Variants in DOCK3 observed in about 807,000 individuals in gnomAD.
DOCK3 encodes dedicator of cytokinesis 3, also known as dedicator of cytokinesis protein 3.
In DOCK3, 60 loss-of-function variants were observed where a neutral mutation model predicts 265.6. That is an observed-to-expected ratio of 0.23 (90% CI 0.18 to 0.28). DOCK3 has a LOEUF of 0.28. Among genes scored for constraint, DOCK3 ranks in the 10% least tolerant of loss-of-function variants. The pLI is 1.00. For synonymous variants in DOCK3, 881 were observed against 938.0 expected (o/e 0.94, Z 1.11); for missense variants, 1,981 against 2,594.3 (o/e 0.76, Z 5.14).
chr3:50,973,219 C>T (rs1238932198), intron 5 of DOCK3, among the ~76,000 whole-genome samples: 1 of 148,674 alleles, frequency 6.7e-6, no homozygotes, highest in Admixed American at 6.7e-5. Context: ...ACATGTGCCA[C>T]GCTGGTGCGC....
chr3:51,055,833 A>C (rs2081181031), intron 5 of DOCK3, among the ~76,000 whole-genome samples: 1 of 152,202 alleles, frequency 6.6e-6, no homozygotes, highest in Admixed American at 6.5e-5. Flanking sequence ...AGATTTTTAC[A>C]AATCTTAGCT....
intron 2 of DOCK3, among the ~76,000 whole-genome samples, chr3:50,818,128 A>C (rs905902601): frequency 6.6e-6 from 1 of 152,152 alleles, no homozygotes; most frequent in Non-Finnish European, 1.5e-5. Flanking sequence ...ATTCTCTAGG[A>C]GTAATTATTC....
chr3:50,716,390 T>C (rs1449622070), intron 1 of DOCK3, among the ~76,000 whole-genome samples: 3 of 151,978 alleles, frequency 2.0e-5, no homozygotes, highest in African/African-American at 7.2e-5. Flanking sequence ...CAGCTGGGTG[T>C]GGTGGCAGGC....
intron 5 of DOCK3, among the ~76,000 whole-genome samples, chr3:50,961,001 A>G (rs1436893005): frequency 6.6e-6 from 1 of 152,168 alleles, no homozygotes; most frequent in Non-Finnish European, 1.5e-5. Context: ...TATAAGGGAA[A>G]ATTTATGGAC....
chr3:50,940,058 C>CACACACATACACACACAA (rs55862179), intron 5 of DOCK3, among the ~76,000 whole-genome samples: 124,747 of 151,140 alleles, frequency 0.83, 51,841 homozygotes, highest in East Asian at 0.95. Flanking sequence ...TACCCACAGA[C>CACACACATACACACACAA]ACACACATAC....
chr3:51,121,743 T>C (rs552940459), intron 9 of DOCK3, among the ~76,000 whole-genome samples: 116 of 152,282 alleles, frequency 7.6e-4, no homozygotes, highest in African/African-American at 2.7e-3. Flanking sequence ...TGAACACTCC[T>C]CTAGAGCATG....
rs931169972 is a variant in DOCK3, at chr3:51,149,789, G to T, written c.828+3159G>T. Among the ~76,000 whole-genome samples, 6 of 152,110 alleles carry T rather than the reference G, an allele frequency of 3.9e-5. No homozygotes were observed. In the South Asian group the frequency reaches 6.2e-4, roughly 16 times the overall value. On this transcript the variant is annotated intron_variant, in intron 10 of 52. Coordinates refer to ENST00000266037, the MANE Select transcript of DOCK3 (RefSeq NM_004947.5). The stretch of plus-strand genomic sequence containing the variant: ...GCATCGACGTTCATCAGGGATATTG[G>T]TCTAAAAATCTTTTTTGTTGTTGTG...
intron 5 of DOCK3, among the ~76,000 whole-genome samples, chr3:51,020,741 C>G (rs1413225141): frequency 2.0e-5 from 3 of 151,850 alleles, no homozygotes. Flanking sequence ...TTTCCTGTTA[C>G]TTGTTTTTGT....
At chr3:51,339,506 A>G (rs1319031554) in intron 37 of DOCK3, among the ~76,000 whole-genome samples, 1 of 152,230 alleles carries the variant, frequency 6.6e-6, no homozygotes, top group East Asian at 1.9e-4. Context: ...CTGCAACTGC[A>G]TAGCAGCCTC....
At chr3:50,679,179 G>A (rs904584803) in intron 1 of DOCK3, among the ~76,000 whole-genome samples, 11 of 151,994 alleles carry the variant, frequency 7.2e-5, no homozygotes, top group Non-Finnish European at 4.4e-5. Context: ...TTGCTATGTT[G>A]CCCAGGCTTG....
intron 4 of DOCK3, among the ~76,000 whole-genome samples, chr3:50,908,259 T>C (rs911624417): frequency 6.6e-6 from 1 of 151,632 alleles, no homozygotes; most frequent in Non-Finnish European, 1.5e-5. Flanking sequence ...TTTCTTGCTT[T>C]CTACTAGCTT....
intron 1 of DOCK3, chr3:50,685,644 G>A (rs2034743080): frequency 5.5e-6 from 1 of 183,438 alleles, no homozygotes; most frequent in Non-Finnish European, 1.2e-5. Context: ...TCACCACTCT[G>A]ACACAAAAAC....
chr3:51,124,294 C>A (rs1406841480), intron 9 of DOCK3, among the ~76,000 whole-genome samples: 2 of 152,190 alleles, frequency 1.3e-5, no homozygotes, highest in Non-Finnish European at 2.9e-5. Flanking sequence ...CCCTGCAGGG[C>A]TAGGCTGTCC....
Position 51,381,766 on chromosome 3 carries a change from C to G in DOCK3, c.*207C>G, listed in dbSNP as rs1200764091. 1.8e-6 allele frequency: 1 copy of G among 547,574 alleles called. No individual in the cohort carries two copies. Among genetic ancestry groups the G allele is most frequent in the Non-Finnish European group, 2.9e-6 (1 of 342,914 alleles). The allele number at this position is 547,574 out of a possible 1,614,324, so 33.9% of individuals were successfully genotyped here. On this transcript the variant is annotated 3_prime_UTR_variant, in exon 53 of 53. Transcript: ENST00000266037. This position sits in a 1 kb window ranked among gnomAD's most constrained non-coding sequence, Gnocchi z 5.6. ...AGCAGCATGAAGGGTTGTGGCTTCC[C>G]TTTTTATTTTTTTACATTTCCATTT...
intron 23 of DOCK3, among the ~76,000 whole-genome samples, chr3:51,270,345 G>A (rs2080431459): frequency 6.6e-6 from 1 of 152,208 alleles, no homozygotes; most frequent in South Asian, 2.1e-4. Flanking sequence ...CTCAGAACTG[G>A]ATCACTGGCT....
At chr3:51,114,853 C>A (rs2083665907) in intron 9 of DOCK3, among the ~76,000 whole-genome samples, 1 of 151,298 alleles carries the variant, frequency 6.6e-6, no homozygotes, top group Non-Finnish European at 1.5e-5. Context: ...CCTCCCTGTG[C>A]CCATATTTTC....
chr3:51,143,737 T>C (rs2085172158), intron 9 of DOCK3, among the ~76,000 whole-genome samples: 1 of 152,240 alleles, frequency 6.6e-6, no homozygotes, highest in Non-Finnish European at 1.5e-5. Flanking sequence ...ATCCAATTTT[T>C]TCTTAGGTGA....
intron 22 of DOCK3, among the ~76,000 whole-genome samples, chr3:51,250,366 C>T (rs1303013736): frequency 6.6e-6 from 1 of 152,048 alleles, no homozygotes; most frequent in Non-Finnish European, 1.5e-5. Context: ...CGCCTATAAT[C>T]CTAGCACTTG....
intron 1 of DOCK3, among the ~76,000 whole-genome samples, chr3:50,700,579 A>G (rs945288607): frequency 6.6e-6 from 1 of 152,164 alleles, no homozygotes; most frequent in African/African-American, 2.4e-5. Context: ...AATGACCTCT[A>G]GTTCCAATTG....
Sources: gnomAD v4.1 joint callset for allele counts (sites outside exome capture counted in the v4.1 genomes callset) on GRCh38, gnomAD v4.1.1 for gene constraint, Gnocchi (gnomAD v3.1) non-coding constraint, MANE v1.5 for transcripts, NCBI Gene and HGNC (gene_info 2026-07-23, HGNC 2026-07-21) for gene names.